The following PLCB1 variants were observed in gnomAD, a reference collection of about 807,000 sequenced individuals.
PLCB1 encodes 1-phosphatidylinositol 4,5-bisphosphate phosphodiesterase beta-1.
PLCB1 carries 46 observed loss-of-function variants against 161.8 expected under a neutral mutation model. The ratio of observed to expected loss-of-function variants is 0.28; its 90% confidence interval spans 0.22 to 0.36. PLCB1 has a LOEUF of 0.36. Among genes scored for constraint, PLCB1 ranks in the 10% least tolerant of loss-of-function variants. The pLI is 1.00. For missense variants in PLCB1, 1,016 were observed against 1,472.5 expected (o/e 0.69, Z 5.07); for synonymous variants, 517 against 503.7 (o/e 1.03, Z -0.35).
intron 3 of PLCB1, among the ~76,000 whole-genome samples, chr20:8,414,238 G>A (rs1979172442): frequency 6.6e-6 from 1 of 151,988 alleles, no homozygotes; most frequent in African/African-American, 2.4e-5. Context: ...TTTTATTTGG[G>A]ATAATAAAAT....
At chr20:8,658,417 G>T (rs1989525638) in intron 8 of PLCB1, 121 bp from the exon 9 acceptor site, 1 of 697,120 alleles carries the variant, frequency 1.4e-6, no homozygotes, top group East Asian at 2.8e-5. Flanking sequence ...GGCAAGATAG[G>T]AGTTTCAATA....
In PLCB1 at chr20:8,513,097, A is replaced by T. The variant is rs116572051; in HGVS notation, c.247-115197A>T. Reference sequence around the variant, plus strand: ...CTTAGTATAATGGCTTCATTTTTTTAAAATGTTTAAACCAAAGGTTTCAAT... The same window carrying T: ...CTTAGTATAATGGCTTCATTTTTTTTAAATGTTTAAACCAAAGGTTTCAAT... On this transcript the variant is annotated intron_variant, in intron 3 of 31. Coordinates refer to ENST00000338037, the MANE Select transcript of PLCB1 (RefSeq NM_015192.4). Among the ~76,000 whole-genome samples, 1,013 of 152,280 alleles carry T rather than the reference A, an allele frequency of 6.7e-3. 12 individuals are homozygous for T. The highest frequency in any genetic ancestry group is 0.022 in the African/African-American group (924 of 41,540).
intron 31 of PLCB1, among the ~76,000 whole-genome samples, chr20:8,867,936 A>G (rs1355855656): frequency 6.6e-6 from 1 of 152,158 alleles, no homozygotes; most frequent in Admixed American, 6.5e-5. Flanking sequence ...CTGCCACACA[A>G]TAAGCACTTA....
chr20:8,219,523 G>A (rs1979301654), intron 2 of PLCB1, among the ~76,000 whole-genome samples: 1 of 152,102 alleles, frequency 6.6e-6, no homozygotes, highest in African/African-American at 2.4e-5. Context: ...GGCAGGAACT[G>A]TAACATGAGC....
chr20:8,387,995 A>AG (rs1568657514), intron 3 of PLCB1, among the ~76,000 whole-genome samples: 24 of 151,538 alleles, frequency 1.6e-4, no homozygotes, highest in African/African-American at 4.8e-4. Context: ...AAAAAAAAAA[A>AG]AAGAAGAAAC....
At chr20:8,821,477 C>CA (rs548686757) in intron 31 of PLCB1, among the ~76,000 whole-genome samples, 2 of 19,160 alleles carry the variant, frequency 1.0e-4, no homozygotes, top group Non-Finnish European at 2.4e-4. Flanking sequence ...GATTCCGTCT[C>CA]AAAAAAAAAA....
chr20:8,439,195 T>C (rs984361157), intron 3 of PLCB1, among the ~76,000 whole-genome samples: 6 of 152,164 alleles, frequency 3.9e-5, no homozygotes, highest in African/African-American at 1.4e-4. Context: ...GCCAACAACT[T>C]ACTGTAGCGT....
At chr20:8,242,098 G>A (rs1980643808) in intron 2 of PLCB1, among the ~76,000 whole-genome samples, 2 of 151,978 alleles carry the variant, frequency 1.3e-5, no homozygotes, top group Admixed American at 1.3e-4. Context: ...AGGACTCCCT[G>A]TGTCTCTCCA....
chr20:8,480,948 A>G (rs1270903749), intron 3 of PLCB1, among the ~76,000 whole-genome samples: 3 of 152,154 alleles, frequency 2.0e-5, no homozygotes, highest in Non-Finnish European at 4.4e-5. Context: ...TACCAAAAAT[A>G]CAAAAATTAG....
intron 2 of PLCB1, among the ~76,000 whole-genome samples, chr20:8,310,305 A>C (rs1381590819): frequency 6.6e-6 from 1 of 152,186 alleles, no homozygotes; most frequent in Non-Finnish European, 1.5e-5. Flanking sequence ...TTTAGTTGTA[A>C]ATTTCACCAA....
intron 3 of PLCB1, among the ~76,000 whole-genome samples, chr20:8,567,089 T>C (rs1457319726): frequency 6.6e-6 from 1 of 152,176 alleles, no homozygotes; most frequent in Non-Finnish European, 1.5e-5. Context: ...ACTACTGGCA[T>C]CTCAGGCCAT....
chr20:8,233,115 T>G (rs1255282781), intron 2 of PLCB1, among the ~76,000 whole-genome samples: 1 of 152,154 alleles, frequency 6.6e-6, no homozygotes, highest in African/African-American at 2.4e-5. Flanking sequence ...CCAAATCACC[T>G]GGGATCCTAC....
At chr20:8,522,159 C>T (rs889808772) in intron 3 of PLCB1, among the ~76,000 whole-genome samples, 1 of 152,164 alleles carries the variant, frequency 6.6e-6, no homozygotes, top group Non-Finnish European at 1.5e-5. Flanking sequence ...AAAATTCAGT[C>T]GCCTCACCTC....
chr20:8,231,001 ATTTTTCCATTCC>A (rs1980000882), intron 2 of PLCB1, among the ~76,000 whole-genome samples: 1 of 151,752 alleles, frequency 6.6e-6, no homozygotes, highest in Non-Finnish European at 1.5e-5. Flanking sequence ...CTTGACCACT[ATTTTTCCATTCC>A]CTTCTTTCCA....
chr20:8,588,147 A>G (rs1438442639), intron 3 of PLCB1, among the ~76,000 whole-genome samples: 1 of 152,196 alleles, frequency 6.6e-6, no homozygotes, highest in Non-Finnish European at 1.5e-5. Flanking sequence ...AAGGCTCTGC[A>G]CTGGGAATTA....
chr20:8,539,666 TTCTTTCTTTCTTTC>T lies in PLCB1; in HGVS notation c.247-88626_247-88613del, dbSNP rs1425787362. On this transcript the variant is annotated intron_variant, in intron 3 of 31. Coordinates refer to ENST00000338037, the MANE Select transcript of PLCB1 (RefSeq NM_015192.4). The stretch of plus-strand genomic sequence containing the variant: ...TTTCTTTCTTTCTTTCTTTCTTTCT[TTCTTTCTTTCTTTC>T]TTTCTTTTTCTTTTTCCTTCCTTCC... Among the ~76,000 whole-genome samples, 125 of 94,962 alleles carry T rather than the reference TTCTTTCTTTCTTTC, an allele frequency of 1.3e-3. 1 individual carries two copies. Among genetic ancestry groups the T allele is most frequent in the African/African-American group, 3.7e-3 (87 of 23,458 alleles). The allele number at this position is 94,962 out of a possible 152,430, so 62.3% of individuals were successfully genotyped here. A position where few individuals can be genotyped will look rare whatever the true frequency, so the allele number is the denominator to read the frequency against.
intron 26 of PLCB1, among the ~76,000 whole-genome samples, chr20:8,767,085 A>G (rs1982357180): frequency 6.6e-6 from 1 of 151,986 alleles, no homozygotes; most frequent in African/African-American, 2.4e-5. Flanking sequence ...AGAGAATGAA[A>G]CTCATGCTGT....
At chr20:8,408,230 G>A (rs1978872020) in intron 3 of PLCB1, among the ~76,000 whole-genome samples, 1 of 152,110 alleles carries the variant, frequency 6.6e-6, no homozygotes, top group Non-Finnish European at 1.5e-5. Flanking sequence ...CAACTTTTCT[G>A]TAAATCTATT....
intron 7 of PLCB1, chr20:8,652,851 A>C (rs1989357597): frequency 6.6e-6 from 1 of 152,102 alleles, no homozygotes; most frequent in South Asian, 2.1e-4. Flanking sequence ...CACAGTTGCT[A>C]GCCTGAAGTT....
Sources: gnomAD v4.1 joint callset for allele counts (sites outside exome capture counted in the v4.1 genomes callset) on GRCh38, gnomAD v4.1.1 for gene constraint, MANE v1.5 for transcripts, NCBI Gene and HGNC (gene_info 2026-07-23, HGNC 2026-07-21) for gene names.